ADGRL3: variants seen among roughly 807,000 people sequenced by gnomAD.
The protein encoded by ADGRL3 is calcium-independent alpha-latrotoxin receptor 3.
Under a neutral mutation model 153.5 loss-of-function variants are expected in ADGRL3, and 62 were observed. That is an observed-to-expected ratio of 0.40 (90% confidence interval 0.33 to 0.50). The LOEUF is 0.50. ADGRL3 is among the 20% of genes least tolerant of loss of function. The pLI is 0.47. For synonymous variants in ADGRL3, 710 were observed against 672.5 expected, an observed-to-expected ratio of 1.06 and a Z score of -0.86; for missense variants, 1,641 against 1,859.4, an observed-to-expected ratio of 0.88 and a Z score of 2.16.
rs1376807101 is a variant in ADGRL3 at position 62,073,795 on chromosome 4, G to GA, written c.*2893dup. 1 of 151,880 alleles carries GA rather than the reference G, an allele frequency of 6.6e-6. No homozygotes were observed. Among genetic ancestry groups the GA allele is most frequent in the Non-Finnish European group, 1.5e-5 (1 of 67,966 alleles). The allele number at this position is 151,880 out of a possible 1,614,324, so 9.4% of individuals were successfully genotyped here. ...AGTTACTACCAAGCTCTTGCATCAA[G>GA]AAAAAAGAGTGAGATTTTTGAACTC... On this transcript the variant is annotated 3_prime_UTR_variant, in exon 27 of 27. Transcript: ENST00000683033.
chr4:61,937,278 CCTT>C (rs2098843349), intron 15 of ADGRL3, among the ~76,000 whole-genome samples: 1 of 152,130 alleles, frequency 6.6e-6, no homozygotes, highest in Non-Finnish European at 1.5e-5. Context: ...TGGTCCACTT[CCTT>C]CCTGCCTCAT....
intron 25 of ADGRL3, among the ~76,000 whole-genome samples, chr4:62,051,113 A>G (rs1045115440): frequency 6.8e-6 from 1 of 147,768 alleles, no homozygotes; most frequent in African/African-American, 2.5e-5. Context: ...TATACAAAGA[A>G]TATGTGTATA....
intron 1 of ADGRL3, among the ~76,000 whole-genome samples, chr4:61,256,860 CT>C (rs1560390242): frequency 6.6e-6 from 1 of 152,020 alleles, no homozygotes; most frequent in Non-Finnish European, 1.5e-5. Context: ...GAATCTGTGC[CT>C]TTGAAAAACT....
chr4:61,457,780 T>A (rs1480404372), intron 2 of ADGRL3, among the ~76,000 whole-genome samples: 1 of 151,936 alleles, frequency 6.6e-6, no homozygotes, highest in East Asian at 1.9e-4. Flanking sequence ...AATGATTGGA[T>A]TGGGTACAAT....
At chr4:61,557,612 T>C (rs1217898234) in intron 4 of ADGRL3, among the ~76,000 whole-genome samples, 1 of 152,190 alleles carries the variant, frequency 6.6e-6, no homozygotes, top group Admixed American at 6.5e-5. Context: ...TGTAAAATTG[T>C]ACAGCAGGCT....
intron 8 of ADGRL3, among the ~76,000 whole-genome samples, chr4:61,746,047 G>A (rs2096655384): frequency 6.6e-6 from 1 of 152,044 alleles, no homozygotes; most frequent in Admixed American, 6.6e-5. Context: ...AAAAAGGCAG[G>A]GGTTGCAATC....
At chr4:61,360,508 G>A (rs749511095) in intron 1 of ADGRL3, among the ~76,000 whole-genome samples, 1 of 151,974 alleles carries the variant, frequency 6.6e-6, no homozygotes, top group Non-Finnish European at 1.5e-5. Context: ...AAAAAATTCC[G>A]GCAAGTTATG....
intron 2 of ADGRL3, among the ~76,000 whole-genome samples, chr4:61,470,612 T>A (rs921009409): frequency 8.6e-5 from 13 of 151,988 alleles, no homozygotes; most frequent in Admixed American, 2.6e-4. Context: ...ATAATTTAAC[T>A]TTCTATATTA....
At chr4:61,525,603 G>A (rs1175463560) in intron 4 of ADGRL3, among the ~76,000 whole-genome samples, 1 of 152,116 alleles carries the variant, frequency 6.6e-6, no homozygotes, top group Non-Finnish European at 1.5e-5. Context: ...AAAGTAGAGA[G>A]CTCAGTTAGG....
chr4:61,373,920 T>C (rs2096571672), intron 1 of ADGRL3, among the ~76,000 whole-genome samples: 1 of 152,222 alleles, frequency 6.6e-6, no homozygotes, highest in African/African-American at 2.4e-5. Context: ...TTTTTATGTC[T>C]ATAACATATA....
chr4:61,985,550 A>C (rs957056717), intron 19 of ADGRL3, among the ~76,000 whole-genome samples: 3 of 152,188 alleles, frequency 2.0e-5, no homozygotes, highest in Non-Finnish European at 4.4e-5. Flanking sequence ...TTAATAAGCC[A>C]AATTTCATGA....
intron 6 of ADGRL3, among the ~76,000 whole-genome samples, chr4:61,682,593 G>T (rs1047019759): frequency 7.0e-6 from 1 of 143,404 alleles, no homozygotes; most frequent in Admixed American, 7.2e-5. Context: ...TAGACCTAGG[G>T]TCTCACTATG....
intron 8 of ADGRL3, among the ~76,000 whole-genome samples, chr4:61,808,451 T>C (rs992285966): frequency 1.3e-5 from 2 of 152,122 alleles, no homozygotes. Context: ...CTCTGCTACC[T>C]CATACTTCAC....
intron 4 of ADGRL3, among the ~76,000 whole-genome samples, chr4:61,536,478 T>C (rs1046182032): frequency 6.6e-6 from 1 of 152,106 alleles, no homozygotes; most frequent in Non-Finnish European, 1.5e-5. Flanking sequence ...CAGTGCGGTG[T>C]TGAAGTTCCT....
intron 1 of ADGRL3, among the ~76,000 whole-genome samples, chr4:61,241,172 A>C (rs2149324122): frequency 6.6e-6 from 1 of 152,148 alleles, no homozygotes. Flanking sequence ...CAATATAATA[A>C]ATGGCTGAAT....
At chr4:61,800,961 C>G (rs1457982052) in intron 8 of ADGRL3, among the ~76,000 whole-genome samples, 2 of 152,116 alleles carry the variant, frequency 1.3e-5, no homozygotes, top group Non-Finnish European at 2.9e-5. Context: ...GATCTTTATA[C>G]AAACAAGTCT....
chr4:61,210,151 T>C (rs1739243159), intron 1 of ADGRL3, among the ~76,000 whole-genome samples: 1 of 152,164 alleles, frequency 6.6e-6, no homozygotes, highest in Non-Finnish European at 1.5e-5. Context: ...GCATGTATAC[T>C]GAAAAGGAAA....
In ADGRL3 at chr4:62,076,850, C is replaced by A. The variant is rs1747309554; in HGVS notation, c.*5942C>A. The stretch of plus-strand genomic sequence containing the variant: ...GTTAATGCTTTTAGTAGCTTTGTAC[C>A]TTTTAAAGCTCTATTATGAATCTTT... On this transcript the variant is annotated 3_prime_UTR_variant, in exon 27 of 27. Transcript: ENST00000683033. 1 of 151,516 alleles carries A rather than the reference C, an allele frequency of 6.6e-6. No individual in the cohort carries two copies. 9.4% of individuals were successfully genotyped at this position (151,516 alleles called of 1,614,324 possible). A position where few individuals can be genotyped will look rare whatever the true frequency, so the allele number is the denominator to read the frequency against.
intron 9 of ADGRL3, among the ~76,000 whole-genome samples, chr4:61,854,976 T>A (rs2098246352): frequency 6.6e-6 from 1 of 152,130 alleles, no homozygotes; most frequent in South Asian, 2.1e-4. Flanking sequence ...CTCCTCAATG[T>A]CTTTAAACAC....
Sources: gnomAD v4.1 joint callset for allele counts (sites outside exome capture counted in the v4.1 genomes callset) on GRCh38, gnomAD v4.1.1 for gene constraint, MANE v1.5 for transcripts, NCBI Gene and HGNC (gene_info 2026-07-23, HGNC 2026-07-21) for gene names.